NBAS: variants seen among roughly 807,000 people sequenced by gnomAD.
NBAS encodes the protein NBAS subunit of NRZ tethering complex.
In NBAS, 219 loss-of-function variants were observed where a neutral mutation model predicts 302.5. The ratio of observed to expected loss-of-function variants is 0.72; its 90% CI spans 0.65 to 0.81. The LOEUF (loss-of-function observed/expected upper bound fraction) is 0.81. NBAS is among the 30% of genes least tolerant of loss of function. NBAS has a pLI of 0.00. For missense variants in NBAS, 2,932 were observed against 2,841.6 expected (o/e 1.03, Z -0.72); for synonymous variants, 1,118 against 1,021.6 (o/e 1.09, Z -1.80).
At chr2:15,204,879 G>A (rs536236388) in intron 48 of NBAS, among the ~76,000 whole-genome samples, 1 of 152,224 alleles carries the variant, frequency 6.6e-6, no homozygotes, top group South Asian at 2.1e-4. Context: ...GGAAGGGGGA[G>A]GGATAGCATT....
chr2:14,949,291 G>C, the NBAS span, among the ~76,000 whole-genome samples: 4 of 152,078 alleles, frequency 2.6e-5, no homozygotes, highest in African/African-American at 9.7e-5. Context: ...AACAATCAAA[G>C]TGAAAAGACA....
chr2:15,393,742 T>G, intron 28 of NBAS: 1 of 470,396 alleles, frequency 2.1e-6, no homozygotes, highest in South Asian at 1.6e-5. Flanking sequence ...GAAAAATCCA[T>G]ACAATGAAAT....
chr2:15,239,605 T>C (rs1381955143), intron 44 of NBAS, among the ~76,000 whole-genome samples: 1 of 151,904 alleles, frequency 6.6e-6, no homozygotes, highest in Admixed American at 6.6e-5. Flanking sequence ...ATTGGAGCAT[T>C]TCAGATTCCT....
intron 38 of NBAS, among the ~76,000 whole-genome samples, chr2:15,316,653 G>C (rs1029199359): frequency 6.6e-6 from 1 of 152,212 alleles, no homozygotes; most frequent in African/African-American, 2.4e-5. Context: ...GAACTGTGAG[G>C]CAGCAGCCTG....
the NBAS span, among the ~76,000 whole-genome samples, chr2:14,823,990 G>A: frequency 2.6e-5 from 4 of 152,184 alleles, no homozygotes; most frequent in Admixed American, 2.0e-4. Flanking sequence ...CTGAATCACC[G>A]TGATGTCTGG....
chr2:15,290,339 T>C (rs895693719), intron 41 of NBAS, among the ~76,000 whole-genome samples: 14 of 152,200 alleles, frequency 9.2e-5, no homozygotes, highest in Non-Finnish European at 7.3e-5. Context: ...ATTCAAACAC[T>C]GCTGTATATT....
At chr2:15,347,596 T>C (rs1673155336) in intron 35 of NBAS, among the ~76,000 whole-genome samples, 2 of 152,250 alleles carry the variant, frequency 1.3e-5, no homozygotes, top group Admixed American at 6.5e-5. Flanking sequence ...AAAATGCTCA[T>C]AACAAGCTTT....
At chr2:15,092,944 A>T in the NBAS span, among the ~76,000 whole-genome samples, 1 of 152,176 alleles carries the variant, frequency 6.6e-6, no homozygotes, top group Non-Finnish European at 1.5e-5. Flanking sequence ...GTTTTTACCC[A>T]AAGCACAAAA....
At chr2:15,188,909 T>A (rs1459762172) in intron 49 of NBAS, among the ~76,000 whole-genome samples, 1 of 152,182 alleles carries the variant, frequency 6.6e-6, no homozygotes, top group East Asian at 1.9e-4. Context: ...AGTATGGCAT[T>A]AGTGGCAATC....
chr2:15,366,553 C>G lies in NBAS; in HGVS notation c.3817+27G>C, dbSNP rs772972918. ...TCAAGAATAACATAGAAAGCTTATT[C>G]TGCAGTTTAGTACTCAAAAGACTTA... On this transcript the variant is annotated intron_variant, in intron 32 of 51. Coordinates refer to ENST00000281513, the MANE Select transcript of NBAS (RefSeq NM_015909.4). The G allele has an allele frequency of 1.4e-5, 22 of 1,567,802 alleles. No individual in the cohort carries two copies. The East Asian group carries it at 4.9e-4, about 35-fold the overall frequency.
At chr2:15,540,799 T>G (rs1182415567) in intron 6 of NBAS, among the ~76,000 whole-genome samples, 1 of 152,022 alleles carries the variant, frequency 6.6e-6, no homozygotes, top group Non-Finnish European at 1.5e-5. Context: ...CTGGGCTCAC[T>G]GCAACCTCCA....
At chr2:15,011,876 C>T in the NBAS span, among the ~76,000 whole-genome samples, 998 of 152,260 alleles carry the variant, frequency 6.6e-3, 12 homozygotes, top group South Asian at 0.019. Context: ...AAAGCCAATG[C>T]ACCCCATAAA....
intron 10 of NBAS, among the ~76,000 whole-genome samples, chr2:15,509,476 T>A (rs1662038227): frequency 6.6e-6 from 1 of 152,340 alleles, no homozygotes; most frequent in African/African-American, 2.4e-5. Flanking sequence ...TGGTGCCATA[T>A]AAACCAGTAA....
intron 44 of NBAS, among the ~76,000 whole-genome samples, chr2:15,255,319 G>T (rs1455872944): frequency 1.3e-5 from 2 of 152,154 alleles, no homozygotes; most frequent in Admixed American, 1.3e-4. Context: ...GATAATTAGT[G>T]ATGTTGAACA....
At chr2:14,923,827 G>T in the NBAS span, among the ~76,000 whole-genome samples, 2,705 of 152,236 alleles carry the variant, frequency 0.018, 31 homozygotes, top group Non-Finnish European at 0.027. Flanking sequence ...TCTAAGTTGG[G>T]GATGGGGTGT....
chr2:14,926,124 G>C, the NBAS span, among the ~76,000 whole-genome samples: 1 of 152,124 alleles, frequency 6.6e-6, no homozygotes, highest in South Asian at 2.1e-4. Flanking sequence ...CAGATTTCTA[G>C]AAAAGGTGTG....
At chr2:15,123,234 G>T in the NBAS span, among the ~76,000 whole-genome samples, 1 of 152,040 alleles carries the variant, frequency 6.6e-6, no homozygotes, top group Non-Finnish European at 1.5e-5. Context: ...ATTTTCTCAT[G>T]CCCCTTCCAA....
intron 21 of NBAS, among the ~76,000 whole-genome samples, chr2:15,438,787 C>A (rs1678168004): frequency 6.6e-6 from 1 of 152,112 alleles, no homozygotes; most frequent in South Asian, 2.1e-4. Flanking sequence ...TCCAAAAATC[C>A]TGGGAGGGGT....
intron 21 of NBAS, among the ~76,000 whole-genome samples, chr2:15,444,771 T>C: frequency 6.6e-6 from 1 of 152,022 alleles, no homozygotes; most frequent in Non-Finnish European, 1.5e-5. Context: ...AAAGGGCTAA[T>C]ATCCAGAATC....
Sources: allele counts gnomAD v4.1 joint callset (sites outside exome capture counted in the v4.1 genomes callset), GRCh38; gene constraint gnomAD v4.1.1; transcripts MANE v1.5; gene names NCBI Gene and HGNC (gene_info 2026-07-23, HGNC 2026-07-21).